The following FAIM2 variants were observed in gnomAD, a reference collection of about 807,000 sequenced individuals.
The protein encoded by FAIM2 is protein lifeguard 2.
FAIM2 carries 27 observed loss-of-function variants against 47.4 expected under a neutral mutation model. The ratio of observed to expected loss-of-function variants is 0.57; its 90% CI spans 0.42 to 0.78. The LOEUF is 0.78. FAIM2 is among the 30% of genes least tolerant of loss of function. FAIM2 has a pLI of 0.00. For missense variants in FAIM2, 311 were observed against 389.4 expected (o/e 0.80, Z 1.69); for synonymous variants, 156 against 159.3 (o/e 0.98, Z 0.16).
At chr12:49,896,884 G>C in intron 5 of FAIM2, 147 bp downstream of exon 5, 4 of 715,608 alleles carry the variant, frequency 5.6e-6, no homozygotes, top group Non-Finnish European at 1.0e-5. Flanking sequence ...GACAGAATGG[G>C]GCAGGGTTGG....
chr12:49,887,930 G>A (rs1474770305), intron 10 of FAIM2, among the ~76,000 whole-genome samples: 1 of 152,164 alleles, frequency 6.6e-6, no homozygotes, highest in Non-Finnish European at 1.5e-5. Context: ...TGGAGTCTCT[G>A]CCAGCTGTGC....
rs1356253000 is a variant in FAIM2, at chr12:49,878,585, C to T, written c.802-7932G>A. The stretch of plus-strand genomic sequence containing the variant: ...GTGTATATGTTCATGTGTATATGTA[C>T]ATGTGTATGTGTATGTGTGCATGTG... On this transcript the variant is annotated intron_variant, in intron 11 of 11. Coordinates refer to ENST00000320634, the MANE Select transcript of FAIM2 (RefSeq NM_012306.4). Among the ~76,000 whole-genome samples, 15 of 92,644 alleles carry T rather than the reference C, an allele frequency of 1.6e-4. 1 individual carries two copies. Among genetic ancestry groups the T allele is most frequent in the African/African-American group, 5.2e-4 (12 of 23,054 alleles). 60.8% of individuals were successfully genotyped at this position (92,644 alleles called of 152,430 possible).
At chr12:49,872,747 T>C (rs1360669633) in intron 11 of FAIM2, among the ~76,000 whole-genome samples, 2 of 152,202 alleles carry the variant, frequency 1.3e-5, no homozygotes, top group African/African-American at 4.8e-5. Flanking sequence ...GGCTCTGCTC[T>C]ACCACTCATT....
chr12:49,889,106 C>T lies in FAIM2; in HGVS notation c.747+1G>A. ...GCCTGCTGGGGGACCCAGAGACTCA[C>T]ATATTGGAAGGGTAGGAGGATGGCC... On this transcript the variant is annotated splice_donor_variant, in intron 10 of 11. Coordinates refer to ENST00000320634, the MANE Select transcript of FAIM2 (RefSeq NM_012306.4). LOFTEE classifies it high-confidence loss of function. 1 of 1,606,114 alleles carries T rather than the reference C, an allele frequency of 6.2e-7. No individual in the cohort carries two copies.
intron 5 of FAIM2, among the ~76,000 whole-genome samples, chr12:49,893,844 TG>T (rs1227015386): frequency 2.6e-5 from 4 of 152,210 alleles, no homozygotes; most frequent in African/African-American, 9.7e-5. Flanking sequence ...CAGTCTCACT[TG>T]AGTCATTGGT....
intron 11 of FAIM2, among the ~76,000 whole-genome samples, chr12:49,872,417 G>A (rs1036061321): frequency 9.2e-5 from 14 of 152,214 alleles, no homozygotes; most frequent in African/African-American, 3.4e-4. Flanking sequence ...GGATAGAGGA[G>A]GAAGGGATTG....
intron 11 of FAIM2, among the ~76,000 whole-genome samples, chr12:49,884,834 C>A (rs1292350526): frequency 6.6e-6 from 1 of 152,180 alleles, no homozygotes; most frequent in Non-Finnish European, 1.5e-5. Flanking sequence ...ATTAGCAGGG[C>A]ATGGTGGCGG....
intron 1 of FAIM2, 82 bp from the exon 2 acceptor site, chr12:49,901,407 C>T (rs748519115): frequency 1.8e-6 from 2 of 1,126,638 alleles, no homozygotes; most frequent in Non-Finnish European, 2.4e-6. Context: ...CTCTTCAATT[C>T]CTGGAACTTT....
chr12:49,899,046 C>G (rs1414926140), intron 2 of FAIM2, among the ~76,000 whole-genome samples: 1 of 152,162 alleles, frequency 6.6e-6, no homozygotes, highest in Non-Finnish European at 1.5e-5. Context: ...CACAGTCAAA[C>G]AGACGCAGGG....
chr12:49,878,282 A>C (rs1946757160), intron 11 of FAIM2, among the ~76,000 whole-genome samples: 1 of 124,036 alleles, frequency 8.1e-6, no homozygotes, highest in Non-Finnish European at 1.7e-5. Flanking sequence ...CCATGTGTCT[A>C]TATGTGAGTG....
In FAIM2 at chr12:49,889,235, C is replaced by A. The variant is rs771598269; in HGVS notation, c.652-33G>T. The stretch of plus-strand genomic sequence containing the variant: ...GACAGGATGGGGTTAGCTGCAGGAG[C>A]GGCCTGACCTTCCTGGGGCCCCAAC... On this transcript the variant is annotated intron_variant, in intron 9 of 11. Transcript: ENST00000320634. The A allele has an allele frequency of 2.6e-6, 4 of 1,543,676 alleles. No individual in the cohort carries two copies. In the East Asian group the frequency reaches 9.2e-5, roughly 35 times the overall value.
At chr12:49,888,877 C>T (rs1025699236) in intron 10 of FAIM2, among the ~76,000 whole-genome samples, 6 of 152,318 alleles carry the variant, frequency 3.9e-5, no homozygotes, top group South Asian at 2.1e-4. Context: ...AAAGTGAAGC[C>T]GGATGTGGCT....
rs1946678801 is a variant in FAIM2 at position 49,868,461 on chromosome 12, A to C, written c.*2043T>G. On this transcript the variant is annotated 3_prime_UTR_variant, in exon 12 of 12. Transcript: ENST00000320634. ...CTCTTGTCTGGAAGATAGAAACCTC[A>C]GAGTGCAAAATCTGGCGAGGGGTTT... The C allele has an allele frequency of 6.6e-6, 1 of 152,216 alleles. No homozygotes were observed. The allele number at this position is 152,216 out of a possible 1,614,324, so 9.4% of individuals were successfully genotyped here.
chr12:49,883,630 G>A (rs1430940104), intron 11 of FAIM2, among the ~76,000 whole-genome samples: 2 of 152,240 alleles, frequency 1.3e-5, no homozygotes, highest in Middle Eastern at 3.4e-3. Context: ...AGATGTAAAT[G>A]TTAGAGTAAT....
At chr12:49,875,743 G>C (rs1408526016) in intron 11 of FAIM2, among the ~76,000 whole-genome samples, 1 of 152,210 alleles carries the variant, frequency 6.6e-6, no homozygotes, top group Non-Finnish European at 1.5e-5. Flanking sequence ...GGGAGGCCAA[G>C]GTGGGTGGAT....
chr12:49,884,067 C>CA (rs1182632629), intron 11 of FAIM2, among the ~76,000 whole-genome samples: 7 of 151,730 alleles, frequency 4.6e-5, no homozygotes, highest in Non-Finnish European at 7.4e-5. Context: ...ACTAAAAATA[C>CA]AAAAAAATTA....
chr12:49,879,330 GTA>G (rs538543513), intron 11 of FAIM2, among the ~76,000 whole-genome samples: 2,071 of 61,134 alleles, frequency 0.034, 72 homozygotes, highest in African/African-American at 0.16. Flanking sequence ...ATGTGCGTGT[GTA>G]TGTGTTTATG....
In FAIM2 at chr12:49,899,316, C is replaced by T. The variant is rs141208201; in HGVS notation, c.212-1226G>A. On this transcript the variant is annotated intron_variant, in intron 2 of 11. Coordinates refer to ENST00000320634, the MANE Select transcript of FAIM2 (RefSeq NM_012306.4). The stretch of plus-strand genomic sequence containing the variant: ...CCCTCCACTGTCCCCACTAGGTTTC[C>T]ATGATCTTATTTGCCCCCAGCAGTA... Among the ~76,000 whole-genome samples, 304 of 152,266 alleles carry T rather than the reference C, an allele frequency of 2.0e-3. 1 individual carries two copies. Among genetic ancestry groups the T allele is most frequent in the African/African-American group, 6.7e-3 (278 of 41,544 alleles).
intron 11 of FAIM2, among the ~76,000 whole-genome samples, chr12:49,885,437 C>T (rs1181811495): frequency 6.6e-6 from 1 of 152,200 alleles, no homozygotes; most frequent in Non-Finnish European, 1.5e-5. Context: ...CGAATGTGGC[C>T]CTCCTCTTTC....
Sources: allele counts gnomAD v4.1 joint callset (sites outside exome capture counted in the v4.1 genomes callset), GRCh38; gene constraint gnomAD v4.1.1; transcripts MANE v1.5; gene names NCBI Gene and HGNC (gene_info 2026-07-23, HGNC 2026-07-21).